The following NDE1 variants were observed in gnomAD, a reference collection of about 807,000 sequenced individuals.
NDE1 encodes nuclear distribution protein nudE homolog 1.
Under a neutral mutation model 43.4 loss-of-function variants are expected in NDE1, and 28 were observed. The ratio of observed to expected loss-of-function variants is 0.65; its 90% CI spans 0.48 to 0.89. The LOEUF is 0.89. Ranked by LOEUF, NDE1 falls within the 40% of genes least tolerant of loss-of-function variation. The probability of loss-of-function intolerance (pLI) is 0.00; values close to 1 mark genes in which losing one functional copy is unlikely to be tolerated. For missense variants in NDE1, 441 were observed against 434.1 expected (o/e 1.02, Z -0.14); for synonymous variants, 184 against 172.0 (o/e 1.07, Z -0.55).
At chr16:15,647,305 C>T (rs145033300), upstream of NDE1, among the ~76,000 whole-genome samples, 708 of 152,290 alleles carry the variant, frequency 4.6e-3, 2 homozygotes, top group African/African-American at 0.015. Context: ...CCTGTAATAG[C>T]TAAGATCTCT....
chr16:15,719,266 C>T lies in NDE1; in HGVS notation c.948-4925C>T, dbSNP rs769202751. The T allele has an allele frequency of 6.2e-7, 1 of 1,613,326 alleles. No individual in the cohort carries two copies. Among genetic ancestry groups the T allele is most frequent in the Non-Finnish European group, 8.5e-7 (1 of 1,180,032 alleles). On this transcript the variant is annotated intron_variant, in intron 8 of 8. Coordinates refer to ENST00000396354, the MANE Select transcript of NDE1 (RefSeq NM_017668.3). ...AGCTCCTCTGCCAGTTCCTCCTTCTCGAGGTCCGCTTGTTTGCGAGCCCTC... is the reference window on the plus strand; with the variant it reads ...AGCTCCTCTGCCAGTTCCTCCTTCTTGAGGTCCGCTTGTTTGCGAGCCCTC...
intron 4 of NDE1, among the ~76,000 whole-genome samples, chr16:15,685,712 T>C (rs57139763): frequency 0.011 from 1,610 of 152,208 alleles, 33 homozygotes; most frequent in African/African-American, 0.036. Context: ...AATTTGGTGA[T>C]TGAAGGAACT....
chr16:15,718,744 C>G (rs2040305645), intron 8 of NDE1: 3 of 498,210 alleles, frequency 6.0e-6, no homozygotes, highest in Admixed American at 6.6e-5. Context: ...AGCCACACCC[C>G]CAAACAGGCA....
At chr16:15,687,566 C>T (rs1177416952) in intron 5 of NDE1, 55 bp downstream of exon 5, 3 of 1,471,840 alleles carry the variant, frequency 2.0e-6, no homozygotes, top group African/African-American at 1.4e-5. Flanking sequence ...ACCTGAGCAA[C>T]ATCTTGTCCC....
chr16:15,662,965 C>A (rs557256842), intron 1 of NDE1, among the ~76,000 whole-genome samples: 59 of 152,194 alleles, frequency 3.9e-4, no homozygotes, highest in Non-Finnish European at 7.2e-4. Flanking sequence ...CCACCAGGAC[C>A]AGCTTTTTAA....
intron 8 of NDE1, among the ~76,000 whole-genome samples, chr16:15,702,764 A>C (rs35784899): frequency 2.0e-5 from 3 of 152,126 alleles, no homozygotes; most frequent in Non-Finnish European, 4.4e-5. Context: ...CTTGTGTTTT[A>C]ACTCAAAAAA....
intron 2 of NDE1, among the ~76,000 whole-genome samples, chr16:15,666,681 C>A (rs983158327): frequency 2.6e-5 from 4 of 152,172 alleles, no homozygotes; most frequent in Non-Finnish European, 4.4e-5. Flanking sequence ...ACTGGCTCTT[C>A]ACAAGTGTGA....
At chr16:15,697,104 G>A (rs1596639300) in intron 8 of NDE1, 7 of 971,630 alleles carry the variant, frequency 7.2e-6, no homozygotes, top group Non-Finnish European at 8.6e-6. Flanking sequence ...GCTAGAATAC[G>A]ATGGCAGGAT....
chr16:15,694,885 C>T lies in NDE1; in HGVS notation c.795+629C>T, dbSNP rs1022139182. ...AAAATTAAGGAGCACTTGGAAACTG[C>T]CTTCTCTTTTGGCCGGGTGCTCATA... is the stretch of plus-strand genomic sequence containing the variant. On this transcript the variant is annotated intron_variant, in intron 7 of 8. Coordinates refer to ENST00000396354, the MANE Select transcript of NDE1 (RefSeq NM_017668.3). 9.1e-6 allele frequency: 9 copies of T among 985,218 alleles called. No individual in the cohort carries two copies. In the African/African-American group the frequency reaches 1.4e-4, roughly 15 times the overall value. 61.0% of individuals were successfully genotyped at this position (985,218 alleles called of 1,614,324 possible). A position where few individuals can be genotyped will look rare whatever the true frequency, so the allele number is the denominator to read the frequency against.
chr16:15,672,276 T>TA (rs1251779707), intron 3 of NDE1, among the ~76,000 whole-genome samples: 10 of 151,742 alleles, frequency 6.6e-5, no homozygotes, highest in Non-Finnish European at 4.4e-5. Context: ...CTACTAAAAA[T>TA]AAAAAAATTA....
intron 7 of NDE1, chr16:15,695,568 A>C (rs2038972459): frequency 4.1e-6 from 4 of 984,986 alleles, no homozygotes; most frequent in Non-Finnish European, 4.8e-6. Context: ...TGTTAATTAC[A>C]GGGAGGGATC....
At chr16:15,692,795 G>A (rs1242034430) in intron 6 of NDE1, among the ~76,000 whole-genome samples, 1 of 151,916 alleles carries the variant, frequency 6.6e-6, no homozygotes, top group East Asian at 1.9e-4. Flanking sequence ...GGAGTGCAGT[G>A]GTGCAATCAT....
chr16:15,718,608 G>T, intron 8 of NDE1: 1 of 1,053,900 alleles, frequency 9.5e-7, no homozygotes, highest in Non-Finnish European at 1.3e-6. Context: ...GAAGTGGACA[G>T]CCGGGACTCA....
intron 4 of NDE1, among the ~76,000 whole-genome samples, chr16:15,681,991 G>C (rs1442936457): frequency 2.0e-5 from 3 of 152,140 alleles, no homozygotes; most frequent in Non-Finnish European, 2.9e-5. Context: ...TGCACTCCAA[G>C]GTTTATAAAG....
chr16:15,679,557 A>T (rs1281240477), intron 4 of NDE1, among the ~76,000 whole-genome samples: 1 of 151,982 alleles, frequency 6.6e-6, no homozygotes, highest in Non-Finnish European at 1.5e-5. Context: ...GTATTTTTAG[A>T]TGTAGGATTT....
rs372365525 is a variant in NDE1 at position 15,677,835 on chromosome 16, G to T, written c.272G>T (p.Arg91Leu). Reference sequence around the variant, plus strand: ...GAAGTGCAGCACTCTGAAGGCTACCGGCAGATCTCAGCCTTGGAGGATGAC... The same window carrying T: ...GAAGTGCAGCACTCTGAAGGCTACCTGCAGATCTCAGCCTTGGAGGATGAC... ...KFEVQHSEGY[R>L]QISALEDDLA... The change falls in exon 4 of 9, where the codon CGG (arginine) becomes CTG (leucine). Residue 91 changes from arginine (R) to leucine (L), a missense_variant. By Grantham distance (102) the Arg-to-Leu change is moderately radical. Transcript: ENST00000396354. 2 of 1,614,094 alleles carry T rather than the reference G, an allele frequency of 1.2e-6. No homozygotes were observed. The highest frequency in any genetic ancestry group is 3.3e-5 in the Admixed American group (2 of 59,974).
At position 15,725,578 on chromosome 16, in the gene NDE1, C is replaced by T. The variant is rs1396199384; in HGVS notation, c.*1327C>T. The T allele has an allele frequency of 2.5e-6, 1 of 406,192 alleles. No individual in the cohort carries two copies. The highest frequency in any genetic ancestry group is 4.3e-6 in the Non-Finnish European group (1 of 230,086). 25.2% of individuals were successfully genotyped at this position (406,192 alleles called of 1,614,324 possible). A position where few individuals can be genotyped will look rare whatever the true frequency, so the allele number is the denominator to read the frequency against. On this transcript the variant is annotated 3_prime_UTR_variant, in exon 9 of 9. Transcript: ENST00000396354. ...AGTCCCTTTGAGGCTGTTAGCCTAC[C>T]CCTCCATCTCTTCCATTGACAAGGA...
At chr16:15,723,941 G>GA (rs1273146996) in intron 8 of NDE1, among the ~76,000 whole-genome samples, 1 of 152,226 alleles carries the variant, frequency 6.6e-6, no homozygotes, top group African/African-American at 2.4e-5. Flanking sequence ...CTGGTACCCA[G>GA]AAAAGTCACA....
At chr16:15,678,907 T>C (rs1366095348) in intron 4 of NDE1, among the ~76,000 whole-genome samples, 2 of 152,052 alleles carry the variant, frequency 1.3e-5, no homozygotes, top group East Asian at 3.9e-4. Context: ...AAAACCCGTC[T>C]CTACTAAAAA....
Sources: allele counts gnomAD v4.1 joint callset (sites outside exome capture counted in the v4.1 genomes callset), GRCh38; gene constraint gnomAD v4.1.1; transcripts MANE v1.5; gene names NCBI Gene and HGNC (gene_info 2026-07-23, HGNC 2026-07-21).